Variants in STK32B observed in about 807,000 individuals in gnomAD.
STK32B encodes serine/threonine kinase 32B.
Under a neutral mutation model 52.6 loss-of-function variants are expected in STK32B, and 43 were observed. The observed-to-expected ratio is 0.82, with a 90% CI of 0.64 to 1.05. The LOEUF (loss-of-function observed/expected upper bound fraction) is 1.05. Among genes scored for constraint, STK32B ranks in the 50% least tolerant of loss-of-function variants. STK32B has a pLI of 0.00. For missense variants in STK32B, 621 were observed against 534.6 expected (o/e 1.16, Z -1.59); for synonymous variants, 238 against 204.3 (o/e 1.17, Z -1.41).
intron 4 of STK32B, among the ~76,000 whole-genome samples, chr4:5,357,110 C>CAT (rs1315271061): frequency 5.4e-4 from 79 of 146,196 alleles, no homozygotes; most frequent in African/African-American, 1.7e-3. Context: ...CACACACACA[C>CAT]ATATATATAC....
At chr4:5,282,760 T>C (rs1370943979) in intron 3 of STK32B, among the ~76,000 whole-genome samples, 1 of 152,100 alleles carries the variant, frequency 6.6e-6, no homozygotes, top group Non-Finnish European at 1.5e-5. Flanking sequence ...AGCATAGATA[T>C]ACTGGGCAAG....
At chr4:5,412,806 T>G (rs1711807656) in intron 5 of STK32B, among the ~76,000 whole-genome samples, 1 of 152,156 alleles carries the variant, frequency 6.6e-6, no homozygotes, top group African/African-American at 2.4e-5. Context: ...TTTATGAGTT[T>G]CCCTGCTTTG....
intron 3 of STK32B, among the ~76,000 whole-genome samples, chr4:5,185,796 A>G (rs1443888921): frequency 1.3e-5 from 2 of 152,140 alleles, no homozygotes; most frequent in African/African-American, 4.8e-5. Flanking sequence ...AAAATACCAC[A>G]ATGGCTCCCG....
At chr4:5,310,109 T>A (rs930640755) in intron 3 of STK32B, among the ~76,000 whole-genome samples, 1 of 152,070 alleles carries the variant, frequency 6.6e-6, no homozygotes, top group Non-Finnish European at 1.5e-5. Flanking sequence ...GAGACTGCAG[T>A]GAGCCCAGAT....
At chr4:5,449,809 T>G (rs28676952) in intron 7 of STK32B, among the ~76,000 whole-genome samples, 5,704 of 152,230 alleles carry the variant, frequency 0.037, 342 homozygotes, top group African/African-American at 0.13. Flanking sequence ...GCGTGCACCT[T>G]ATGAGAATCT....
At chr4:5,457,572 A>T (rs1185815557) in intron 8 of STK32B, among the ~76,000 whole-genome samples, 1 of 151,104 alleles carries the variant, frequency 6.6e-6, no homozygotes, top group Non-Finnish European at 1.5e-5. Flanking sequence ...GACCTTTAAG[A>T]AATTGGGTAT....
Position 5,423,388 on chromosome 4 carries a change from C to T in STK32B, c.562+6454C>T, listed in dbSNP as rs78208709. 4.9e-3 allele frequency among the ~76,000 whole-genome samples: 739 copies of T among 152,156 alleles called. 20 individuals are homozygous for T. The East Asian group carries it at 0.07, about 14-fold the overall frequency. On this transcript the variant is annotated intron_variant, in intron 6 of 11. Coordinates refer to ENST00000282908, the MANE Select transcript of STK32B (RefSeq NM_018401.3). Reference sequence around the variant, plus strand: ...GAGCCACAGGACCTCTCAGAATCCTCGTCTGAGAAATGGGATTAATGGTTT... The same window carrying T: ...GAGCCACAGGACCTCTCAGAATCCTTGTCTGAGAAATGGGATTAATGGTTT...
intron 3 of STK32B, among the ~76,000 whole-genome samples, chr4:5,208,166 G>A (rs1001994292): frequency 6.6e-6 from 1 of 151,728 alleles, no homozygotes; most frequent in African/African-American, 2.4e-5. Flanking sequence ...GGTACCTCTT[G>A]AGCCCTGACC....
At chr4:5,316,185 A>AT (rs1730682999) in intron 3 of STK32B, among the ~76,000 whole-genome samples, 3 of 102,910 alleles carry the variant, frequency 2.9e-5, no homozygotes, top group African/African-American at 1.2e-4. Flanking sequence ...ATAACTAAAT[A>AT]TATATATTTA....
chr4:5,082,166 C>T (rs1434840238), intron 1 of STK32B, among the ~76,000 whole-genome samples: 2 of 151,778 alleles, frequency 1.3e-5, no homozygotes, highest in South Asian at 2.1e-4. Context: ...TGTTCTTAAT[C>T]CTGCAGATTC....
intron 1 of STK32B, among the ~76,000 whole-genome samples, chr4:5,116,782 A>G (rs1714745372): frequency 6.6e-6 from 1 of 152,164 alleles, no homozygotes. Flanking sequence ...CCATTAAAAC[A>G]TTTACTCTTC....
At chr4:5,405,525 A>G (rs1737599065) in intron 5 of STK32B, among the ~76,000 whole-genome samples, 1 of 152,164 alleles carries the variant, frequency 6.6e-6, no homozygotes, top group South Asian at 2.1e-4. Context: ...GCTGTGAAGA[A>G]CTACCTGAGA....
At chr4:5,305,814 T>G (rs1729892806) in intron 3 of STK32B, among the ~76,000 whole-genome samples, 1 of 152,180 alleles carries the variant, frequency 6.6e-6, no homozygotes, top group Admixed American at 6.6e-5. Context: ...CTGGTGCTCT[T>G]TCAGACTTTT....
At chr4:5,419,318 GTTC>G (rs1468044690) in intron 6 of STK32B, among the ~76,000 whole-genome samples, 1 of 152,148 alleles carries the variant, frequency 6.6e-6, no homozygotes, top group African/African-American at 2.4e-5. Context: ...TTTATCTGGA[GTTC>G]TTCTTTCCTT....
intron 3 of STK32B, among the ~76,000 whole-genome samples, chr4:5,274,720 CT>C (rs1298400378): frequency 1.3e-5 from 2 of 152,144 alleles, no homozygotes; most frequent in Non-Finnish European, 2.9e-5. Context: ...TCTGTTTTCA[CT>C]CTTTTTCACT....
At chr4:5,248,581 C>G (rs2108828255) in intron 3 of STK32B, among the ~76,000 whole-genome samples, 1 of 152,244 alleles carries the variant, frequency 6.6e-6, no homozygotes, top group African/African-American at 2.4e-5. Context: ...TATTGCTGGA[C>G]TACTATTCAG....
Position 5,251,562 on chromosome 4 carries a change from GCT to G in STK32B, c.261-79651_261-79650del, listed in dbSNP as rs377372594. The stretch of plus-strand genomic sequence containing the variant: ...TGCTTAGTATTCCTTAGTTATTCAG[GCT>G]CTCTCTTTTGGTTCCATATGAATTT... On this transcript the variant is annotated intron_variant, in intron 3 of 11. Transcript: ENST00000282908. Among the ~76,000 whole-genome samples, 682 of 152,096 alleles carry G rather than the reference GCT, an allele frequency of 4.5e-3. 2 individuals carry two copies. Among genetic ancestry groups the G allele is most frequent in the African/African-American group, 0.015 (623 of 41,504 alleles).
chr4:5,420,937 T>C (rs1272540874), intron 6 of STK32B, among the ~76,000 whole-genome samples: 1 of 152,198 alleles, frequency 6.6e-6, no homozygotes, highest in Non-Finnish European at 1.5e-5. Context: ...TTCACTCTTG[T>C]CACCCAAGCT....
intron 3 of STK32B, among the ~76,000 whole-genome samples, chr4:5,248,248 C>T (rs899508386): frequency 3.9e-5 from 6 of 152,148 alleles, no homozygotes; most frequent in African/African-American, 1.4e-4. Flanking sequence ...CTCCAAGATC[C>T]CTGCTCTCTG....
Sources: allele counts gnomAD v4.1 joint callset (sites outside exome capture counted in the v4.1 genomes callset), GRCh38; gene constraint gnomAD v4.1.1; transcripts MANE v1.5; gene names NCBI Gene and HGNC (gene_info 2026-07-23, HGNC 2026-07-21).